PIP4K2A: variants seen among roughly 807,000 people sequenced by gnomAD.
The protein encoded by PIP4K2A is phosphatidylinositol 5-phosphate 4-kinase type-2 alpha.
Under a neutral mutation model 42.9 loss-of-function variants are expected in PIP4K2A, and 14 were observed. That is an observed-to-expected ratio of 0.33 (90% CI 0.22 to 0.51). The LOEUF is 0.51. Ranked by LOEUF, PIP4K2A falls within the 20% of genes least tolerant of loss-of-function variation. The probability of loss-of-function intolerance (pLI) is 0.97; values close to 1 mark genes in which losing one functional copy is unlikely to be tolerated. For synonymous variants in PIP4K2A, 192 were observed against 192.2 expected (o/e 1.00, Z 0.01); for missense variants, 434 against 519.8 (o/e 0.83, Z 1.61).
At chr10:22,709,451 T>A (rs1002097701) in intron 1 of PIP4K2A, among the ~76,000 whole-genome samples, 10 of 152,236 alleles carry the variant, frequency 6.6e-5, no homozygotes, top group Non-Finnish European at 1.2e-4. Flanking sequence ...ATTGCACCAA[T>A]TCCCTTCAAT....
At chr10:22,701,296 A>G (rs540631514) in intron 1 of PIP4K2A, among the ~76,000 whole-genome samples, 1 of 152,272 alleles carries the variant, frequency 6.6e-6, no homozygotes, top group African/African-American at 2.4e-5. Context: ...CCTTCCTGTT[A>G]CCTAACAGTC....
intron 8 of PIP4K2A, 24 bp from the exon 9 acceptor site, chr10:22,540,098 CTG>C (rs1836065228): frequency 3.5e-6 from 4 of 1,149,798 alleles, no homozygotes; most frequent in Non-Finnish European, 5.1e-6. Flanking sequence ...AGAGCAATGA[CTG>C]TGGGACATGT....
chr10:22,569,538 C>T (rs1487060486), intron 5 of PIP4K2A, among the ~76,000 whole-genome samples: 1 of 152,192 alleles, frequency 6.6e-6, no homozygotes, highest in Non-Finnish European at 1.5e-5. Context: ...AACGAATGTT[C>T]CCAAATACTT....
intron 1 of PIP4K2A, among the ~76,000 whole-genome samples, chr10:22,663,673 A>G (rs1839251927): frequency 6.6e-6 from 1 of 152,120 alleles, no homozygotes; most frequent in African/African-American, 2.4e-5. Context: ...ATATTCTTCT[A>G]GACATTTTTC....
chr10:22,614,607 A>C (rs1838134225), intron 1 of PIP4K2A, among the ~76,000 whole-genome samples: 1 of 152,228 alleles, frequency 6.6e-6, no homozygotes, highest in Non-Finnish European at 1.5e-5. Context: ...TTAAAAGAGA[A>C]GCTTTTAATT....
intron 1 of PIP4K2A, among the ~76,000 whole-genome samples, chr10:22,610,208 T>C (rs1182836501): frequency 6.6e-6 from 1 of 152,140 alleles, no homozygotes; most frequent in Non-Finnish European, 1.5e-5. Flanking sequence ...AAAATAAAGA[T>C]TGGGGTGGGG....
intron 6 of PIP4K2A, among the ~76,000 whole-genome samples, chr10:22,565,124 G>A (rs1554795428): frequency 3.3e-5 from 5 of 152,160 alleles, no homozygotes; most frequent in Non-Finnish European, 7.4e-5. Flanking sequence ...GCTTGTTCTA[G>A]ACATGCTTCT....
chr10:22,684,022 C>T (rs531772547), intron 1 of PIP4K2A, among the ~76,000 whole-genome samples: 23 of 152,266 alleles, frequency 1.5e-4, no homozygotes, highest in African/African-American at 5.5e-4. Context: ...ATCTGAAATA[C>T]TCACAAGAAG....
chr10:22,685,972 A>C (rs941710801), intron 1 of PIP4K2A, among the ~76,000 whole-genome samples: 2 of 152,190 alleles, frequency 1.3e-5, no homozygotes, highest in African/African-American at 4.8e-5. Context: ...GAGTAGATTC[A>C]ATGCCACGCC....
chr10:22,712,969 C>G (rs536389375), intron 1 of PIP4K2A, among the ~76,000 whole-genome samples: 1 of 151,670 alleles, frequency 6.6e-6, no homozygotes, highest in African/African-American at 2.4e-5. Context: ...GAAAAACCAG[C>G]ATGGTTTTCT....
chr10:22,567,574 A>C, intron 6 of PIP4K2A: 1 of 676,980 alleles, frequency 1.5e-6, no homozygotes, highest in South Asian at 1.5e-5. Context: ...GGTTTACTGC[A>C]CAGGTGGCTG....
chr10:22,618,317 T>C (rs1414888502), intron 1 of PIP4K2A, among the ~76,000 whole-genome samples: 3 of 152,226 alleles, frequency 2.0e-5, no homozygotes, highest in African/African-American at 7.2e-5. Context: ...CAAGGATTCC[T>C]TCCACCAAAC....
chr10:22,598,008 T>C (rs1329601786), intron 3 of PIP4K2A, among the ~76,000 whole-genome samples: 1 of 152,210 alleles, frequency 6.6e-6, no homozygotes, highest in East Asian at 1.9e-4. Flanking sequence ...TCAAATTCCT[T>C]GTCATGGACA....
At chr10:22,598,464 G>A (rs1837681315) in intron 3 of PIP4K2A, among the ~76,000 whole-genome samples, 1 of 152,198 alleles carries the variant, frequency 6.6e-6, no homozygotes, top group African/African-American at 2.4e-5. Flanking sequence ...GTTAAAAGGA[G>A]AATTTAAAAT....
chr10:22,664,172 TATATATATACATATATATAC>T (rs1186792724), intron 1 of PIP4K2A, among the ~76,000 whole-genome samples: 1 of 74,004 alleles, frequency 1.4e-5, no homozygotes, highest in African/African-American at 8.9e-5. Flanking sequence ...TATATACATA[TATATATATACATATATATAC>T]ATATATATAT....
At chr10:22,543,130 C>T (rs80087712) in intron 7 of PIP4K2A, among the ~76,000 whole-genome samples, 1,832 of 152,288 alleles carry the variant, frequency 0.012, 16 homozygotes, top group Non-Finnish European at 0.019. Context: ...TGCTAAGCCC[C>T]GCAGAGTCAT....
chr10:22,664,077 G>GTATATATATACA (rs1839269234), intron 1 of PIP4K2A, among the ~76,000 whole-genome samples: 1 of 37,764 alleles, frequency 2.6e-5, no homozygotes, highest in Non-Finnish European at 4.5e-5. Context: ...ATATATATAC[G>GTATATATATACA]TATATATATA....
At chr10:22,614,961 CAGATTTCAAAATAA>C (rs1838141997) in intron 1 of PIP4K2A, among the ~76,000 whole-genome samples, 1 of 152,162 alleles carries the variant, frequency 6.6e-6, no homozygotes, top group South Asian at 2.1e-4. Flanking sequence ...TGTGAACTTT[CAGATTTCAAAATAA>C]AGATTCTTGG....
intron 1 of PIP4K2A, among the ~76,000 whole-genome samples, chr10:22,703,689 C>G (rs1833758040): frequency 1.3e-5 from 2 of 152,218 alleles, no homozygotes; most frequent in Admixed American, 1.3e-4. Flanking sequence ...ATGAAATCAT[C>G]TACAGTTTAG....
Sources: allele counts gnomAD v4.1 joint callset (sites outside exome capture counted in the v4.1 genomes callset), GRCh38; gene constraint gnomAD v4.1.1; transcripts MANE v1.5; gene names NCBI Gene and HGNC (gene_info 2026-07-23, HGNC 2026-07-21).